Variants in DYNC1H1 observed in about 807,000 individuals in gnomAD.
The protein encoded by DYNC1H1 is cytoplasmic dynein 1 heavy chain 1.
In DYNC1H1, 51 loss-of-function variants were observed where a neutral mutation model predicts 527.1. The observed-to-expected ratio is 0.10, with a 90% confidence interval of 0.08 to 0.12. The LOEUF (loss-of-function observed/expected upper bound fraction) is 0.12. DYNC1H1 is among the 10% of genes least tolerant of loss of function. The pLI is 1.00. For synonymous variants in DYNC1H1, 2,189 were observed against 2,278.8 expected, an observed-to-expected ratio of 0.96 and a Z score of 1.12; for missense variants, 2,771 against 5,971.8, an observed-to-expected ratio of 0.46 and a Z score of 17.66.
At chr14:102,034,612 T>C (rs1308928044) in intron 56 of DYNC1H1, 160 bp downstream of exon 56, 2 of 1,168,978 alleles carry the variant, frequency 1.7e-6, no homozygotes, top group African/African-American at 3.0e-5. Flanking sequence ...GCGTGTGCTG[T>C]TCTCGTTATT....
In DYNC1H1 at chr14:102,036,377, G is replaced by A. The variant is rs2048575275; in HGVS notation, c.10755-112G>A. 1.8e-5 allele frequency: 26 copies of A among 1,422,104 alleles called. No individual in the cohort carries two copies. The highest frequency in any genetic ancestry group is 2.5e-5 in the Non-Finnish European group (25 of 1,013,778). The allele number at this position is 1,422,104 out of a possible 1,614,324, so 88.1% of individuals were successfully genotyped here. A position where few individuals can be genotyped will look rare whatever the true frequency, so the allele number is the denominator to read the frequency against. ...AAACGTCTCCGGAAACCACTCTCGG[G>A]TGGTGGTAACAGCCTATCAATCAGG... On this transcript the variant is annotated intron_variant, in intron 56 of 77. Coordinates refer to ENST00000360184, the MANE Select transcript of DYNC1H1 (RefSeq NM_001376.5). This position sits in a 1 kb window ranked among gnomAD's most constrained non-coding sequence, Gnocchi z 5.6.
chr14:101,991,268 G>A (rs2047995422), intron 10 of DYNC1H1, among the ~76,000 whole-genome samples: 1 of 152,164 alleles, frequency 6.6e-6, no homozygotes, highest in African/African-American at 2.4e-5. Context: ...GAGGTCAGGA[G>A]TTTGAGACCA....
chr14:101,964,613 C>G lies in DYNC1H1; in HGVS notation c.-79C>G, dbSNP rs2047640323. On this transcript the variant is annotated 5_prime_UTR_variant, in exon 1 of 78. Coordinates refer to ENST00000360184, the MANE Select transcript of DYNC1H1 (RefSeq NM_001376.5). This position sits in a 1 kb window ranked among gnomAD's most constrained non-coding sequence, Gnocchi z 5.5. ...AGCGGACGGTCCGGCTTCCGGCGGC[C>G]GTTTCTGTCTCTTGCTGGCTGTCTC... 2.0e-6 allele frequency: 3 copies of G among 1,533,324 alleles called. No homozygotes were observed. In the South Asian group the frequency reaches 3.6e-5, roughly 18 times the overall value. 95.0% of individuals were successfully genotyped at this position (1,533,324 alleles called of 1,614,324 possible).
chr14:101,967,716 A>G (rs2047683981), intron 1 of DYNC1H1, among the ~76,000 whole-genome samples: 1 of 152,162 alleles, frequency 6.6e-6, no homozygotes, highest in South Asian at 2.1e-4. Flanking sequence ...GGTGTATGCC[A>G]GTAGTTCCAG....
chr14:101,993,111 T>TG (rs2048017314), intron 11 of DYNC1H1, among the ~76,000 whole-genome samples: 1 of 152,076 alleles, frequency 6.6e-6, no homozygotes, highest in African/African-American at 2.4e-5. Flanking sequence ...TCTTGAGCCC[T>TG]GCCTCCCCAA....
In DYNC1H1 at chr14:102,043,714, G is replaced by A. The variant is rs186751080; in HGVS notation, c.12514-161G>A. On this transcript the variant is annotated intron_variant, in intron 69 of 77. Transcript: ENST00000360184. ...GGATGACACGTCTATTAATAGAAAA[G>A]TTGGCATACTTTTCTCCTAGCAGCA... The A allele has an allele frequency of 3.0e-3, 2,637 of 876,060 alleles. 8 individuals carry two copies. The highest frequency in any genetic ancestry group is 4.0e-3 in the Non-Finnish European group (2,227 of 552,390). 54.3% of individuals were successfully genotyped at this position (876,060 alleles called of 1,614,324 possible). A position where few individuals can be genotyped will look rare whatever the true frequency, so the allele number is the denominator to read the frequency against.
chr14:102,042,417 A>G lies in DYNC1H1; in HGVS notation c.12309A>G (p.Pro4103=). ...TGCTGAAGAATGTGCATCTGGCCCC[A>G]GGGTGGCTGATGCAGCTGGAGAAGA... ...WVMLKNVHLA[P]GWLMQLEKKL... is the part of the protein sequence containing the mutation. Residue 4103 remains proline (P), a synonymous_variant, in exon 68 of 78, where the codon CCA becomes CCG. Transcript: ENST00000360184. The surrounding 1 kb of genome is among the most constrained non-coding windows in gnomAD (Gnocchi z 5.7). 8 of 1,614,194 alleles carry G rather than the reference A, an allele frequency of 5.0e-6. No individual in the cohort carries two copies. The highest frequency in any genetic ancestry group is 6.8e-6 in the Non-Finnish European group (8 of 1,180,042).
chr14:101,969,956 G>C (rs575079014), intron 1 of DYNC1H1, among the ~76,000 whole-genome samples: 4 of 152,168 alleles, frequency 2.6e-5, no homozygotes, highest in Non-Finnish European at 5.9e-5. Context: ...TTAAGACCCA[G>C]TTGGGAAAAG....
At position 101,994,791 on chromosome 14, in the gene DYNC1H1, C is replaced by T. The variant is rs2048039172; in HGVS notation, c.3275C>T (p.Thr1092Ile). 1.9e-6 allele frequency: 3 copies of T among 1,614,034 alleles called. No individual in the cohort carries two copies. Among genetic ancestry groups the T allele is most frequent in the Non-Finnish European group, 1.7e-6 (2 of 1,180,030 alleles). Residue 1092 changes from threonine (T) to isoleucine (I), a missense_variant, in exon 13 of 78, where the codon ACC (threonine) becomes ATC (isoleucine). This residue lies in a region of DYNC1H1 where 179 missense variants were observed against 349.4 expected (regional missense o/e 0.51). Transcript: ENST00000360184. The part of the protein sequence containing the change: ...LLVQIRKARG[T>I]FDNAETKKEF... ...GTCCAAATAAGGAAGGCCAGAGGAA[C>T]CTTTGACAATGCAGAAACCAAGAAA...
intron 69 of DYNC1H1, 31 bp from the exon 70 acceptor site, chr14:102,043,844 T>C: frequency 5.6e-6 from 9 of 1,614,160 alleles, no homozygotes; most frequent in Non-Finnish European, 7.6e-6. Flanking sequence ...TGTTTTCTAA[T>C]GACTCTGTGC....
chr14:102,022,952 G>A (rs916979341), intron 43 of DYNC1H1, 72 bp downstream of exon 43: 24 of 1,608,088 alleles, frequency 1.5e-5, no homozygotes, highest in African/African-American at 8.0e-5. Context: ...GAATTCTAAC[G>A]AATTATCTTC....
At chr14:102,048,749 C>T (rs2048762090) in intron 74 of DYNC1H1, 80 bp downstream of exon 74, 7 of 1,546,954 alleles carry the variant, frequency 4.5e-6, no homozygotes, top group Non-Finnish European at 6.1e-6. Context: ...AGCCACACAG[C>T]ACCACGTGCA....
chr14:102,009,834 C>A lies in DYNC1H1; in HGVS notation c.5978-9C>A. On this transcript the variant is annotated splice_polypyrimidine_tract_variant and intron_variant, in intron 29 of 77. Transcript: ENST00000360184. ...ATTTCTAGTCTTAACGCTATCATCT[C>A]ATTCTCAGCCTCTGCCCCCATTACT... The A allele has an allele frequency of 6.2e-7, 1 of 1,613,854 alleles. No individual in the cohort carries two copies. The highest frequency in any genetic ancestry group is 1.1e-5 in the South Asian group (1 of 91,046).
chr14:102,006,556 G>C (rs1311909235), intron 27 of DYNC1H1, among the ~76,000 whole-genome samples: 8 of 151,210 alleles, frequency 5.3e-5, no homozygotes, highest in Non-Finnish European at 1.0e-4. Flanking sequence ...TAATTATGTG[G>C]TGTGTACATT....
Position 102,050,485 on chromosome 14 carries a change from C to A in DYNC1H1, c.13863C>A (p.Thr4621=), listed in dbSNP as rs2048794053. The change falls in exon 78 of 78, where the codon ACC becomes ACA. Residue 4621 remains threonine (T), a synonymous_variant. Transcript: ENST00000360184. ...TCACCCGTGCAGACCTCATCTTCAC[C>A]GTGGACTTCGAAATTGCTACAAAGG... The part of the protein sequence containing the change: ...LNFTRADLIF[T]VDFEIATKED... The A allele has an allele frequency of 6.2e-7, 1 of 1,614,200 alleles. No individual in the cohort carries two copies. Among genetic ancestry groups the A allele is most frequent in the Non-Finnish European group, 8.5e-7 (1 of 1,180,048 alleles).
Position 102,012,979 on chromosome 14 carries a change from G to C in DYNC1H1, c.7014+509G>C, listed in dbSNP as rs2048275100. On this transcript the variant is annotated intron_variant, in intron 34 of 77. Coordinates refer to ENST00000360184, the MANE Select transcript of DYNC1H1 (RefSeq NM_001376.5). This position sits in a 1 kb window ranked among gnomAD's most constrained non-coding sequence, Gnocchi z 4.9. ...AAAGCAAGAAGACAGGCCGGGCGCG[G>C]TGGCTCACGCCTGTAATCCCAGCAC... 1 of 189,086 alleles carries C rather than the reference G, an allele frequency of 5.3e-6. No homozygotes were observed. Among genetic ancestry groups the C allele is most frequent in the South Asian group, 9.8e-5 (1 of 10,200 alleles). The allele number at this position is 189,086 out of a possible 1,614,324, so 11.7% of individuals were successfully genotyped here.
In DYNC1H1 at chr14:102,018,360, G is replaced by C. The variant is rs149727735; in HGVS notation, c.8178-91G>C. ...TGGGTTAGGAAGCGACCTCCAGACA[G>C]GGCCCTGGACAGGGCGACTCCACTG... is the stretch of plus-strand genomic sequence containing the variant. On this transcript the variant is annotated intron_variant, in intron 40 of 77. Coordinates refer to ENST00000360184, the MANE Select transcript of DYNC1H1 (RefSeq NM_001376.5). The surrounding 1 kb of genome is among the most constrained non-coding windows in gnomAD (Gnocchi z 5.2). The C allele has an allele frequency of 6.5e-7, 1 of 1,541,850 alleles. No individual in the cohort carries two copies. The highest frequency in any genetic ancestry group is 8.7e-7 in the Non-Finnish European group (1 of 1,144,020).
At position 101,986,892 on chromosome 14, in the gene DYNC1H1, C is replaced by A; in HGVS notation, c.2538+129C>A. 8.6e-7 allele frequency: 1 copy of A among 1,165,444 alleles called. No homozygotes were observed. Among genetic ancestry groups the A allele is most frequent in the Non-Finnish European group, 1.3e-6 (1 of 784,464 alleles). The allele number at this position is 1,165,444 out of a possible 1,614,324, so 72.2% of individuals were successfully genotyped here. ...ATGCAGCATACGGCCATGTGAGCTG[C>A]AAGGGAGGAGGACCCTTTGTACTCA... is the stretch of plus-strand genomic sequence containing the variant. On this transcript the variant is annotated intron_variant, in intron 8 of 77. Coordinates refer to ENST00000360184, the MANE Select transcript of DYNC1H1 (RefSeq NM_001376.5). This position sits in a 1 kb window ranked among gnomAD's most constrained non-coding sequence, Gnocchi z 8.7.
chr14:101,973,062 A>C (rs1185446125), intron 1 of DYNC1H1, among the ~76,000 whole-genome samples: 1 of 152,036 alleles, frequency 6.6e-6, no homozygotes, highest in Non-Finnish European at 1.5e-5. Context: ...AGTTTTTTTA[A>C]TAGTCGTTTT....
Sources: allele counts gnomAD v4.1 joint callset (sites outside exome capture counted in the v4.1 genomes callset), GRCh38; gene constraint gnomAD v4.1.1; regional missense constraint gnomAD v4.1.1; non-coding constraint Gnocchi (gnomAD v3.1); transcripts MANE v1.5; gene names NCBI Gene and HGNC (gene_info 2026-07-23, HGNC 2026-07-21).